TMEFF2: variants seen among roughly 807,000 people sequenced by gnomAD.
TMEFF2 encodes tomoregulin-2.
A neutral mutation model predicts 53.8 loss-of-function variants in TMEFF2; 28 were observed. The ratio of observed to expected loss-of-function variants is 0.52; its 90% CI spans 0.39 to 0.71. The LOEUF (loss-of-function observed/expected upper bound fraction) is 0.71. Ranked by LOEUF, TMEFF2 falls within the 30% of genes least tolerant of loss-of-function variation. TMEFF2 has a pLI of 0.00. For missense variants in TMEFF2, 353 were observed against 455.2 expected, an observed-to-expected ratio of 0.78 and a Z score of 2.04; for synonymous variants, 162 against 166.3, an observed-to-expected ratio of 0.97 and a Z score of 0.20.
rs184738325 is a variant in TMEFF2 at position 191,983,490 on chromosome 2, T to A, written c.745+14772A>T. ...GAAGGCTAAGGCAGGAGAACTTTAGTCACCTAAAAGCACCATATGCTTTCT... is the reference window on the plus strand; with the variant it reads ...GAAGGCTAAGGCAGGAGAACTTTAGACACCTAAAAGCACCATATGCTTTCT... On this transcript the variant is annotated intron_variant, in intron 7 of 9. Coordinates refer to ENST00000272771, the MANE Select transcript of TMEFF2 (RefSeq NM_016192.4). Among the ~76,000 whole-genome samples, 132 of 152,010 alleles carry A rather than the reference T, an allele frequency of 8.7e-4. 1 individual carries two copies. Among genetic ancestry groups the A allele is most frequent in the Middle Eastern group, 3.4e-3 (1 of 290 alleles).
intron 4 of TMEFF2, among the ~76,000 whole-genome samples, chr2:192,100,309 G>A (rs1236941023): frequency 6.6e-6 from 1 of 152,136 alleles, no homozygotes; most frequent in Non-Finnish European, 1.5e-5. Flanking sequence ...TGTCCAGAAA[G>A]CCTTGCCTCA....
chr2:191,953,644 C>A, intron 9 of TMEFF2, 35 bp downstream of exon 9: 1 of 1,606,280 alleles, frequency 6.2e-7, no homozygotes, highest in East Asian at 2.2e-5. Context: ...CAATATATCC[C>A]TTTATTTGGG....
In TMEFF2 at chr2:192,194,528, T is replaced by C. The variant is rs745332335; in HGVS notation, c.-4A>G. On this transcript the variant is annotated 5_prime_UTR_variant, in exon 1 of 10. An upstream open reading frame in the 5' UTR loses its in-frame stop. Coordinates refer to ENST00000272771, the MANE Select transcript of TMEFF2 (RefSeq NM_016192.4). The surrounding 1 kb of genome is among the most constrained non-coding windows in gnomAD (Gnocchi z 4.2). The stretch of plus-strand genomic sequence containing the variant: ...GCGGGGACTCCCACAGCACCATGAC[T>C]AGTTCGTGCAACTCTGCAGCAGCAA... 22 of 1,612,000 alleles carry C rather than the reference T, an allele frequency of 1.4e-5. No individual in the cohort carries two copies. The highest frequency in any genetic ancestry group is 1.9e-5 in the Non-Finnish European group (22 of 1,179,262).
intron 5 of TMEFF2, 140 bp from the exon 6 acceptor site, chr2:191,999,348 T>A: frequency 1.7e-6 from 1 of 574,692 alleles, no homozygotes; most frequent in Non-Finnish European, 2.7e-6. Flanking sequence ...GGAAGTTCCT[T>A]CACTTTTCTA....
intron 4 of TMEFF2, among the ~76,000 whole-genome samples, chr2:192,072,714 T>C (rs1287422177): frequency 6.6e-6 from 1 of 151,994 alleles, no homozygotes; most frequent in Admixed American, 6.6e-5. Context: ...TGCTTTCTCT[T>C]TGTGTATCTG....
At chr2:192,017,730 G>T (rs544341955) in intron 5 of TMEFF2, among the ~76,000 whole-genome samples, 1 of 151,992 alleles carries the variant, frequency 6.6e-6, no homozygotes, top group African/African-American at 2.4e-5. Context: ...AGTCTGATAC[G>T]TTCAAATTTA....
chr2:192,061,384 T>TA (rs1688039674), intron 4 of TMEFF2, among the ~76,000 whole-genome samples: 1 of 151,850 alleles, frequency 6.6e-6, no homozygotes, highest in Admixed American at 6.6e-5. Flanking sequence ...AATGCAGAAA[T>TA]AAAAAATAAT....
intron 4 of TMEFF2, among the ~76,000 whole-genome samples, chr2:192,103,454 A>G (rs1485383321): frequency 6.6e-6 from 1 of 152,042 alleles, no homozygotes; most frequent in South Asian, 2.1e-4. Flanking sequence ...TCCTTAGAAT[A>G]ATTGGTCTTT....
At chr2:191,968,472 C>T (rs894134246) in intron 7 of TMEFF2, among the ~76,000 whole-genome samples, 4 of 152,146 alleles carry the variant, frequency 2.6e-5, no homozygotes, top group African/African-American at 9.7e-5. Context: ...TCTTTGGTTT[C>T]ATGGGGCAGG....
At position 192,179,687 on chromosome 2, in the gene TMEFF2, T is replaced by A; in HGVS notation, c.420A>T (p.Gly140=). ...TCCTACCTCCATCTCCAGATCCTGA[T>A]CCTGCATCTGTGGGGGGAAAAGTTA... ...VSEGSCATDA[G]SGSGDGVHEG... is the part of the protein sequence containing the mutation. Residue 140 remains glycine, a synonymous_variant, in exon 4 of 10, where the codon GGA becomes GGT. Coordinates refer to ENST00000272771, the MANE Select transcript of TMEFF2 (RefSeq NM_016192.4). The A allele has an allele frequency of 1.3e-6, 2 of 1,525,242 alleles. No homozygotes were observed. Among genetic ancestry groups the A allele is most frequent in the Non-Finnish European group, 1.7e-6 (2 of 1,144,950 alleles). The allele number at this position is 1,525,242 out of a possible 1,614,324, so 94.5% of individuals were successfully genotyped here.
chr2:192,047,281 ATTTTAT>A (rs1415783179), intron 5 of TMEFF2, among the ~76,000 whole-genome samples: 1 of 152,096 alleles, frequency 6.6e-6, no homozygotes, highest in African/African-American at 2.4e-5. Context: ...TGAAGCTAAT[ATTTTAT>A]TTTATTTCTT....
chr2:192,102,872 CAAT>C (rs1164935497), intron 4 of TMEFF2, among the ~76,000 whole-genome samples: 2 of 151,806 alleles, frequency 1.3e-5, no homozygotes, highest in African/African-American at 4.8e-5. Context: ...CTCCTGGCCT[CAAT>C]AATGTCTTTC....
At chr2:192,002,045 G>T (rs978127511) in intron 5 of TMEFF2, among the ~76,000 whole-genome samples, 3 of 140,284 alleles carry the variant, frequency 2.1e-5, no homozygotes, top group Non-Finnish European at 3.0e-5. Flanking sequence ...TTATTTTTCA[G>T]TTTGACTAAT....
chr2:192,159,557 A>G (rs181853162), intron 4 of TMEFF2, among the ~76,000 whole-genome samples: 17 of 152,284 alleles, frequency 1.1e-4, no homozygotes, highest in Admixed American at 1.1e-3. Context: ...CATTGTATAT[A>G]GTTCAACCTC....
At position 191,949,795 on chromosome 2, in the gene TMEFF2, A is replaced by C; in HGVS notation, c.*516T>G. 1.0e-6 allele frequency: 1 copy of C among 985,234 alleles called. No individual in the cohort carries two copies. The allele number at this position is 985,234 out of a possible 1,614,324, so 61.0% of individuals were successfully genotyped here. A position where few individuals can be genotyped will look rare whatever the true frequency, so the allele number is the denominator to read the frequency against. ...AATAGAGATGATTCAAAGATCGGAAATATTTTATCCTCACTCGATATAAAG... is the reference window on the plus strand; with the variant it reads ...AATAGAGATGATTCAAAGATCGGAACTATTTTATCCTCACTCGATATAAAG... On this transcript the variant is annotated 3_prime_UTR_variant, in exon 10 of 10. Coordinates refer to ENST00000272771, the MANE Select transcript of TMEFF2 (RefSeq NM_016192.4).
At chr2:192,147,746 G>A (rs187894487) in intron 4 of TMEFF2, among the ~76,000 whole-genome samples, 1 of 152,160 alleles carries the variant, frequency 6.6e-6, no homozygotes, top group Admixed American at 6.6e-5. Context: ...CTCAGTGGAA[G>A]CATTTACTTG....
intron 4 of TMEFF2, among the ~76,000 whole-genome samples, chr2:192,096,628 T>A (rs982542453): frequency 6.7e-6 from 1 of 148,696 alleles, no homozygotes; most frequent in Non-Finnish European, 1.5e-5. Flanking sequence ...GCTATTTCTT[T>A]TTTTCTTTTC....
chr2:192,119,630 C>T (rs1689500289), intron 4 of TMEFF2, among the ~76,000 whole-genome samples: 1 of 152,182 alleles, frequency 6.6e-6, no homozygotes, highest in African/African-American at 2.4e-5. Flanking sequence ...TTTGCATTTA[C>T]TTTGGGGTTT....
intron 4 of TMEFF2, among the ~76,000 whole-genome samples, chr2:192,175,644 G>A (rs370781112): frequency 5.3e-5 from 8 of 151,202 alleles, no homozygotes; most frequent in Non-Finnish European, 7.4e-5. Flanking sequence ...AGTAAGTTCC[G>A]TGCTTCCTTT....
Sources: allele counts gnomAD v4.1 joint callset (sites outside exome capture counted in the v4.1 genomes callset), GRCh38; gene constraint gnomAD v4.1.1; non-coding constraint Gnocchi (gnomAD v3.1); transcripts MANE v1.5; gene names NCBI Gene and HGNC (gene_info 2026-07-23, HGNC 2026-07-21).